Variants in ACSL6 observed in about 807,000 individuals in gnomAD.
ACSL6 encodes long-chain-fatty-acid--CoA ligase 6.
A neutral mutation model predicts 98.2 loss-of-function variants in ACSL6; 47 were observed. The observed-to-expected ratio is 0.48, with a 90% CI of 0.38 to 0.61. The LOEUF is 0.61. Among genes scored for constraint, ACSL6 ranks in the 20% least tolerant of loss-of-function variants. The pLI, the probability that ACSL6 is intolerant of heterozygous loss-of-function variation, is 0.00. For synonymous variants in ACSL6, 362 were observed against 336.9 expected (o/e 1.07, Z -0.82); for missense variants, 761 against 913.4 (o/e 0.83, Z 2.15).
At position 131,988,066 on chromosome 5, in the gene ACSL6, C is replaced by T. The variant is rs201757780; in HGVS notation, c.813G>A (p.Lys271=). The T allele has an allele frequency of 1.9e-6, 3 of 1,614,128 alleles. No individual in the cohort carries two copies. In the East Asian group the frequency reaches 6.7e-5, roughly 36 times the overall value. ...CCCTCACCTCCACGGCCTGCATGGA[C>T]TTAATGACCACCCCGCACTTCTGCC... ...ERGQKCGVVI[K]SMQAVEDCGQ... The change falls in exon 7 of 21, where the codon AAG becomes AAA. Residue 271 remains lysine (K), a synonymous_variant. Transcript: ENST00000651883.
intron 20 of ACSL6, among the ~76,000 whole-genome samples, chr5:131,954,886 G>C (rs1368410167): frequency 6.6e-6 from 1 of 152,158 alleles, no homozygotes; most frequent in African/African-American, 2.4e-5. Flanking sequence ...CCAAAACAAA[G>C]CCATGGGAGT....
At chr5:131,964,683 G>T (rs931727902) in intron 17 of ACSL6, among the ~76,000 whole-genome samples, 1 of 152,168 alleles carries the variant, frequency 6.6e-6, no homozygotes, top group Non-Finnish European at 1.5e-5. Context: ...ATGCAAGTGA[G>T]GGGGCTTGAA....
intron 9 of ACSL6, among the ~76,000 whole-genome samples, chr5:131,980,134 G>C (rs767982108): frequency 6.6e-6 from 1 of 152,180 alleles, no homozygotes; most frequent in Non-Finnish European, 1.5e-5. Context: ...CCAGCTGGGG[G>C]ATTCTGGCTG....
intron 17 of ACSL6, among the ~76,000 whole-genome samples, chr5:131,963,552 C>T (rs988443696): frequency 3.3e-5 from 5 of 152,176 alleles, no homozygotes; most frequent in Admixed American, 6.5e-5. Flanking sequence ...ATGAAACTCA[C>T]GACCAAGCTT....
intron 7 of ACSL6, among the ~76,000 whole-genome samples, chr5:131,987,448 T>C (rs965304781): frequency 1.5e-5 from 2 of 131,760 alleles, no homozygotes; most frequent in African/African-American, 5.0e-5. Flanking sequence ...ACCAGTAGAG[T>C]GGGGAGCACA....
At chr5:131,970,881 G>A (rs1239939627) in intron 14 of ACSL6, among the ~76,000 whole-genome samples, 2 of 152,146 alleles carry the variant, frequency 1.3e-5, no homozygotes, top group Admixed American at 6.5e-5. Context: ...AGCCCCACCT[G>A]TTTGCATGAA....
intron 1 of ACSL6, among the ~76,000 whole-genome samples, chr5:131,998,547 A>G (rs937115533): frequency 2.6e-5 from 4 of 152,158 alleles, no homozygotes; most frequent in Admixed American, 6.5e-5. Flanking sequence ...AAAGCCCCAG[A>G]GCACAGTCAC....
rs1398674577 is a variant in ACSL6, at chr5:131,959,586, C to T, written c.1981G>A (p.Glu661Lys). Residue 661 changes from glutamate to lysine, a missense_variant, in exon 20 of 21, where the codon GAA (glutamate) becomes AAA (lysine). Transcript: ENST00000651883. Reference protein sequence around the residue: ...TNKDLKKAILEDMVRLGKESG... With the variant: ...TNKDLKKAILKDMVRLGKESG... ...TCTTTTCCTAACCTCACCATATCTT[C>T]CAAAATGGCTTTCTTCAGATCCTGA... 1 of 1,613,990 alleles carries T rather than the reference C, an allele frequency of 6.2e-7. No homozygotes were observed. Among genetic ancestry groups the T allele is most frequent in the Non-Finnish European group, 8.5e-7 (1 of 1,180,014 alleles).
In ACSL6 at chr5:131,971,694, G is replaced by A. The variant is rs186298767; in HGVS notation, c.1339-49C>T. On this transcript the variant is annotated intron_variant, in intron 13 of 20. Transcript: ENST00000651883. ...CAAATTTTGTGATGTCTGAGATGGT[G>A]TCCAGTCCATCTGGGTTTCATCCAA... 446 of 1,493,098 alleles carry A rather than the reference G, an allele frequency of 3.0e-4. 2 individuals carry two copies. The African/African-American group carries it at 5.6e-3, about 19-fold the overall frequency. 92.5% of individuals were successfully genotyped at this position (1,493,098 alleles called of 1,614,324 possible).
Position 131,952,593 on chromosome 5 carries a change from T to C in ACSL6, c.*1641A>G, listed in dbSNP as rs1752207680. 4.7e-6 allele frequency: 1 copy of C among 213,668 alleles called. No individual in the cohort carries two copies. The highest frequency in any genetic ancestry group is 2.3e-5 in the African/African-American group (1 of 44,200). 13.2% of individuals were successfully genotyped at this position (213,668 alleles called of 1,614,324 possible). The stretch of plus-strand genomic sequence containing the variant: ...TGATATGCTTTTAGAGTCTTGTCTC[T>C]ACAGAAGAAAAACACGTTCCTGGGG... On this transcript the variant is annotated 3_prime_UTR_variant, in exon 21 of 21. Coordinates refer to ENST00000651883, the MANE Select transcript of ACSL6 (RefSeq NM_001009185.3).
At chr5:131,987,097 G>C (rs1307903260) in intron 7 of ACSL6, among the ~76,000 whole-genome samples, 3 of 152,168 alleles carry the variant, frequency 2.0e-5, no homozygotes, top group South Asian at 2.1e-4. Flanking sequence ...GGTCATGGCA[G>C]ACATGACCTC....
Position 131,994,198 on chromosome 5 carries a change from G to A in ACSL6, c.103C>T (p.Leu35=), listed in dbSNP as rs750612977. 3.1e-6 allele frequency: 5 copies of A among 1,614,136 alleles called. No homozygotes were observed. Among genetic ancestry groups the A allele is most frequent in the Non-Finnish European group, 4.2e-6 (5 of 1,180,006 alleles). ...AAGTCACCTAGCTCAGGCAGTCGCA[G>A]TATCCTCAGGATCTCCTGTGTCTGC... is the stretch of plus-strand genomic sequence containing the variant. The part of the protein sequence containing the change: ...KMQTQEILRI[L]RLPELGDLGQ... Residue 35 remains leucine (L), a synonymous_variant, in exon 2 of 21, where the codon CTG becomes TTG. Coordinates refer to ENST00000651883, the MANE Select transcript of ACSL6 (RefSeq NM_001009185.3).
intron 1 of ACSL6, among the ~76,000 whole-genome samples, chr5:132,010,885 A>T (rs541874707): frequency 6.6e-6 from 1 of 152,274 alleles, no homozygotes; most frequent in African/African-American, 2.4e-5. Context: ...TAGCCGCCTA[A>T]GAAGTGCAGT....
intron 1 of ACSL6, among the ~76,000 whole-genome samples, chr5:132,008,611 T>A (rs1755544980): frequency 6.6e-6 from 1 of 152,164 alleles, no homozygotes. Flanking sequence ...ACCATCCAAA[T>A]AAAACCTTCT....
intron 8 of ACSL6, 50 bp from the exon 9 acceptor site, chr5:131,985,508 C>T: frequency 6.2e-7 from 1 of 1,606,472 alleles, no homozygotes; most frequent in Non-Finnish European, 8.5e-7. Context: ...TGTGGCCAGC[C>T]AGGGCCCAAG....
chr5:131,988,467 G>A, intron 6 of ACSL6: 1 of 1,528,782 alleles, frequency 6.5e-7, no homozygotes, highest in Non-Finnish European at 9.0e-7. Flanking sequence ...CTTTGTTCCA[G>A]GCTCTGCCCC....
At chr5:131,996,056 G>A (rs1411126729) in intron 1 of ACSL6, among the ~76,000 whole-genome samples, 3 of 152,210 alleles carry the variant, frequency 2.0e-5, no homozygotes, top group Non-Finnish European at 4.4e-5. Context: ...CCCTGCAGAT[G>A]GCACAGCAGG....
In ACSL6 at chr5:131,956,974, A is replaced by G. The variant is rs143694410; in HGVS notation, c.2031+2562T>C. Among the ~76,000 whole-genome samples the G allele has an allele frequency of 2.1e-3, 325 of 152,340 alleles. 1 individual carries two copies. The highest frequency in any genetic ancestry group is 3.3e-3 in the Non-Finnish European group (222 of 68,028). The stretch of plus-strand genomic sequence containing the variant: ...GAGATGCTACAGGATTTTTAAAAAT[A>G]ATTCAGAAATACTGTAACATTTAAA... On this transcript the variant is annotated intron_variant, in intron 20 of 20. Transcript: ENST00000651883.
intron 9 of ACSL6, among the ~76,000 whole-genome samples, chr5:131,980,522 C>A (rs1255836998): frequency 1.3e-5 from 2 of 152,182 alleles, no homozygotes; most frequent in African/African-American, 4.8e-5. Context: ...TGAGTAGCCA[C>A]AGTTCTGGGG....
Sources: gnomAD v4.1 joint callset for allele counts (sites outside exome capture counted in the v4.1 genomes callset) on GRCh38, gnomAD v4.1.1 for gene constraint, MANE v1.5 for transcripts, NCBI Gene and HGNC (gene_info 2026-07-23, HGNC 2026-07-21) for gene names.